The following LCOR variants were observed in gnomAD, a reference collection of about 807,000 sequenced individuals.
LCOR encodes ligand dependent nuclear receptor corepressor.
In LCOR, 14 loss-of-function variants were observed where a neutral mutation model predicts 64.4. The ratio of observed to expected loss-of-function variants is 0.22; its 90% CI spans 0.14 to 0.34. The LOEUF (loss-of-function observed/expected upper bound fraction) is 0.34. Among genes scored for constraint, LCOR ranks in the 10% least tolerant of loss-of-function variants. The pLI is 1.00. For synonymous variants in LCOR, 643 were observed against 642.5 expected (o/e 1.00, Z -0.01); for missense variants, 1,686 against 1,765.3 (o/e 0.96, Z 0.80).
chr10:96,840,388 G>A (rs1845519557), intron 2 of LCOR, among the ~76,000 whole-genome samples: 1 of 152,110 alleles, frequency 6.6e-6, no homozygotes, highest in African/African-American at 2.4e-5. Context: ...AGTATTTGTT[G>A]TATCTTTACT....
At chr10:96,867,828 CTG>C (rs1427968495) in intron 2 of LCOR, among the ~76,000 whole-genome samples, 3 of 151,824 alleles carry the variant, frequency 2.0e-5, no homozygotes, top group African/African-American at 4.8e-5. Context: ...AATATTTTGT[CTG>C]TTTTTTCAAG....
intron 7 of LCOR, among the ~76,000 whole-genome samples, chr10:96,968,924 G>A (rs1404661323): frequency 6.6e-6 from 1 of 150,754 alleles, no homozygotes; most frequent in Non-Finnish European, 1.5e-5. Context: ...GACTAAGTAA[G>A]AGATCCTGTC....
chr10:96,918,867 G>T (rs1255962469), intron 4 of LCOR, among the ~76,000 whole-genome samples: 1 of 152,198 alleles, frequency 6.6e-6, no homozygotes, highest in Non-Finnish European at 1.5e-5. Flanking sequence ...CAATAGTAAG[G>T]TGGAATAGGC....
In LCOR at chr10:96,994,306, C is replaced by G. The variant is rs920221827; in HGVS notation, c.*9172C>G. ...GGCTTGAAATGTCTAAAGCTGCCTT[C>G]GTGTCTGGGATTACACCATGTAGGT... On this transcript the variant is annotated 3_prime_UTR_variant, in exon 8 of 8. Coordinates refer to ENST00000421806, the MANE Select transcript of LCOR (RefSeq NM_001346516.2). The G allele has an allele frequency of 6.6e-6, 1 of 152,154 alleles. No homozygotes were observed. Among genetic ancestry groups the G allele is most frequent in the Non-Finnish European group, 1.5e-5 (1 of 68,046 alleles). The allele number at this position is 152,154 out of a possible 1,614,324, so 9.4% of individuals were successfully genotyped here.
intron 4 of LCOR, among the ~76,000 whole-genome samples, chr10:96,941,062 A>AC (rs1281246999): frequency 4.6e-3 from 173 of 37,628 alleles, no homozygotes; most frequent in Admixed American, 0.014. Flanking sequence ...CGGCTGGCCG[A>AC]CCCCCCCCCC....
intron 2 of LCOR, among the ~76,000 whole-genome samples, chr10:96,860,481 T>C (rs1002746671): frequency 6.6e-6 from 1 of 152,198 alleles, no homozygotes; most frequent in African/African-American, 2.4e-5. Flanking sequence ...AGGATTCTTT[T>C]CTAGAGCCTT....
At position 96,991,938 on chromosome 10, in the gene LCOR, TTTCCTC is replaced by T. The variant is rs1258593572; in HGVS notation, c.*6806_*6811del. On this transcript the variant is annotated 3_prime_UTR_variant, in exon 8 of 8. Coordinates refer to ENST00000421806, the MANE Select transcript of LCOR (RefSeq NM_001346516.2). ...GGAAGCATTTTTCTCTCAAAACTCT[TTTCCTC>T]TAGTATTTAGTTGTTGGGTTTAAAT... 2 of 151,468 alleles carry T rather than the reference TTTCCTC, an allele frequency of 1.3e-5. No homozygotes were observed. Among genetic ancestry groups the T allele is most frequent in the Non-Finnish European group, 2.9e-5 (2 of 68,036 alleles). 9.4% of individuals were successfully genotyped at this position (151,468 alleles called of 1,614,324 possible). A position where few individuals can be genotyped will look rare whatever the true frequency, so the allele number is the denominator to read the frequency against.
At chr10:96,906,321 A>G (rs900918913) in intron 2 of LCOR, among the ~76,000 whole-genome samples, 2 of 152,332 alleles carry the variant, frequency 1.3e-5, no homozygotes, top group Middle Eastern at 6.8e-3. Flanking sequence ...CTGAGAGTGC[A>G]TATGGATTCA....
intron 7 of LCOR, chr10:96,960,329 G>C (rs887313963): frequency 5.9e-5 from 9 of 152,162 alleles, no homozygotes; most frequent in African/African-American, 2.2e-4. Flanking sequence ...AATTGAGTCA[G>C]CTCGATGTCA....
At chr10:96,838,873 CTG>C (rs146790786) in intron 2 of LCOR, among the ~76,000 whole-genome samples, 6,096 of 152,234 alleles carry the variant, frequency 0.04, 163 homozygotes, top group Non-Finnish European at 0.065. Flanking sequence ...CATGTGGTAA[CTG>C]TTTTAATTTC....
intron 2 of LCOR, among the ~76,000 whole-genome samples, chr10:96,899,657 A>G (rs1330217261): frequency 6.6e-6 from 1 of 152,094 alleles, no homozygotes; most frequent in Non-Finnish European, 1.5e-5. Flanking sequence ...GTAAATATTG[A>G]TTAATAAAAC....
intron 2 of LCOR, among the ~76,000 whole-genome samples, chr10:96,864,030 T>G (rs1845931530): frequency 6.6e-6 from 1 of 152,234 alleles, no homozygotes; most frequent in African/African-American, 2.4e-5. Context: ...AGCAGTTATG[T>G]TTCTACAGCT....
intron 7 of LCOR, chr10:96,955,963 C>T (rs940922445): frequency 2.2e-5 from 34 of 1,577,274 alleles, no homozygotes; most frequent in Non-Finnish European, 2.9e-5. Context: ...ACTGGGTGAG[C>T]ACTACTGCAT....
intron 2 of LCOR, among the ~76,000 whole-genome samples, chr10:96,854,666 C>T (rs754735457): frequency 3.3e-5 from 5 of 152,138 alleles, no homozygotes; most frequent in Non-Finnish European, 7.3e-5. Flanking sequence ...TCTTCAAGCA[C>T]TTAATAGGTG....
At chr10:96,928,870 C>T (rs1248944374) in intron 4 of LCOR, among the ~76,000 whole-genome samples, 1 of 152,168 alleles carries the variant, frequency 6.6e-6, no homozygotes, top group Admixed American at 6.5e-5. Context: ...ACATTAATCT[C>T]CTTGTACATC....
intron 2 of LCOR, among the ~76,000 whole-genome samples, chr10:96,839,932 T>G (rs1845510924): frequency 6.6e-6 from 1 of 152,212 alleles, no homozygotes; most frequent in African/African-American, 2.4e-5. Flanking sequence ...CCGCCTCTCT[T>G]GGCCTCCCAG....
intron 2 of LCOR, among the ~76,000 whole-genome samples, chr10:96,840,014 C>T (rs1411909411): frequency 6.6e-6 from 1 of 152,162 alleles, no homozygotes; most frequent in Non-Finnish European, 1.5e-5. Flanking sequence ...GTTAAATATA[C>T]TGTTTTTAAA....
chr10:96,966,180 T>A (rs1469522521), intron 7 of LCOR, among the ~76,000 whole-genome samples: 6 of 146,118 alleles, frequency 4.1e-5, no homozygotes, highest in South Asian at 4.4e-4. Flanking sequence ...TTTTTTTTTT[T>A]GCCATATCCT....
chr10:96,859,879 A>T (rs1166451828), intron 2 of LCOR, among the ~76,000 whole-genome samples: 1 of 152,066 alleles, frequency 6.6e-6, no homozygotes, highest in Non-Finnish European at 1.5e-5. Flanking sequence ...TCTGTATAGT[A>T]CCAGCCAAAC....
Sources: gnomAD v4.1 joint callset for allele counts (sites outside exome capture counted in the v4.1 genomes callset) on GRCh38, gnomAD v4.1.1 for gene constraint, MANE v1.5 for transcripts, NCBI Gene and HGNC (gene_info 2026-07-23, HGNC 2026-07-21) for gene names.